The following CRIM1 variants were observed in gnomAD, a reference collection of about 807,000 sequenced individuals.
The protein encoded by CRIM1 is cysteine rich transmembrane BMP regulator 1, also known as cysteine-rich motor neuron 1 protein.
In CRIM1, 32 loss-of-function variants were observed where a neutral mutation model predicts 116.4. That is an observed-to-expected ratio of 0.27 (90% CI 0.21 to 0.37). The LOEUF (loss-of-function observed/expected upper bound fraction) is 0.37, where lower values mean the gene tolerates loss of function less well. CRIM1 is among the 10% of genes least tolerant of loss of function. The pLI is 1.00. For synonymous variants in CRIM1, 590 were observed against 509.2 expected, an observed-to-expected ratio of 1.16 and a Z score of -2.13; for missense variants, 1,331 against 1,354.8, an observed-to-expected ratio of 0.98 and a Z score of 0.28.
intron 6 of CRIM1, among the ~76,000 whole-genome samples, chr2:36,478,335 CA>C (rs76231568): frequency 1.3e-5 from 2 of 152,144 alleles, no homozygotes; most frequent in East Asian, 3.8e-4. Context: ...TACCTGCCCC[CA>C]GTCTGCAATA....
chr2:36,462,865 G>C (rs1677691162), intron 4 of CRIM1, among the ~76,000 whole-genome samples: 1 of 152,106 alleles, frequency 6.6e-6, no homozygotes, highest in Non-Finnish European at 1.5e-5. Context: ...CAATGGCTAG[G>C]GATATAAGCG....
At chr2:36,472,248 C>T (rs969887268) in intron 5 of CRIM1, among the ~76,000 whole-genome samples, 11 of 152,102 alleles carry the variant, frequency 7.2e-5, no homozygotes, top group African/African-American at 2.7e-4. Context: ...GCAATCTCCA[C>T]ACTGTTCTGA....
In CRIM1 at chr2:36,491,009, C is replaced by A. The variant is rs1680189555; in HGVS notation, c.1373-8210C>A. Among the ~76,000 whole-genome samples, 4 of 152,176 alleles carry A rather than the reference C, an allele frequency of 2.6e-5. No individual in the cohort carries two copies. The South Asian group carries it at 8.3e-4, about 32-fold the overall frequency. On this transcript the variant is annotated intron_variant, in intron 7 of 16. Transcript: ENST00000280527. ...GGTTGTCAATTTGCCAAGCAGTCAGCAAAAGTGCCCATAACTTCACGCAGT... is the reference window on the plus strand; with the variant it reads ...GGTTGTCAATTTGCCAAGCAGTCAGAAAAAGTGCCCATAACTTCACGCAGT...
At chr2:36,487,364 A>C (rs148005956) in intron 7 of CRIM1, among the ~76,000 whole-genome samples, 139 of 152,252 alleles carry the variant, frequency 9.1e-4, no homozygotes, top group African/African-American at 3.2e-3. Context: ...TTTTCCTTTC[A>C]CAAGTTATAT....
chr2:36,365,668 C>T (rs1457583169), intron 1 of CRIM1, among the ~76,000 whole-genome samples: 1 of 151,836 alleles, frequency 6.6e-6, no homozygotes, highest in Admixed American at 6.5e-5. Flanking sequence ...TCTAATGTTA[C>T]TAGCTGTTTA....
intron 4 of CRIM1, among the ~76,000 whole-genome samples, chr2:36,463,364 C>CA (rs1270964663): frequency 6.6e-6 from 1 of 152,128 alleles, no homozygotes; most frequent in Non-Finnish European, 1.5e-5. Context: ...GAAGGGGGGA[C>CA]AAAAGCACAA....
chr2:36,479,415 A>G, intron 6 of CRIM1, 82 bp from the exon 7 acceptor site: 1 of 1,398,904 alleles, frequency 7.1e-7, no homozygotes, highest in Non-Finnish European at 1.0e-6. Context: ...ACTAGAACCC[A>G]GGGAAAAAAT....
At chr2:36,546,136 CTG>C (rs1288439211) in intron 15 of CRIM1, among the ~76,000 whole-genome samples, 1 of 152,148 alleles carries the variant, frequency 6.6e-6, no homozygotes, top group Non-Finnish European at 1.5e-5. Context: ...CCTTTTGATA[CTG>C]TGTGTCATGT....
At chr2:36,357,572 T>TG (rs1325214483) in intron 1 of CRIM1, among the ~76,000 whole-genome samples, 2 of 152,166 alleles carry the variant, frequency 1.3e-5, no homozygotes, top group Non-Finnish European at 2.9e-5. Flanking sequence ...TCAGGGTGCC[T>TG]GGTCTGGTTT....
chr2:36,505,376 A>G (rs919842675), intron 8 of CRIM1, among the ~76,000 whole-genome samples: 4 of 149,656 alleles, frequency 2.7e-5, no homozygotes, highest in African/African-American at 7.4e-5. Context: ...TTCCTACCAT[A>G]TATTTCTGGT....
Position 36,406,115 on chromosome 2 carries a change from A to T in CRIM1, c.505+9328A>T, listed in dbSNP as rs145272129. ...CTAATATGTTATTGACTGTATTAGAAATAATCATTAATTCACAAAATCAGA... is the reference window on the plus strand; with the variant it reads ...CTAATATGTTATTGACTGTATTAGATATAATCATTAATTCACAAAATCAGA... On this transcript the variant is annotated intron_variant, in intron 2 of 16. Coordinates refer to ENST00000280527, the MANE Select transcript of CRIM1 (RefSeq NM_016441.3). Among the ~76,000 whole-genome samples the T allele has an allele frequency of 3.2e-4, 49 of 152,368 alleles. No homozygotes were observed. The East Asian group carries it at 9.0e-3, about 28-fold the overall frequency.
chr2:36,453,778 G>A (rs1676916863), intron 4 of CRIM1, among the ~76,000 whole-genome samples: 1 of 152,188 alleles, frequency 6.6e-6, no homozygotes, highest in Non-Finnish European at 1.5e-5. Context: ...CACAAAGTTA[G>A]CAAAGCAAAC....
At chr2:36,433,333 G>C (rs1477048) in intron 2 of CRIM1, among the ~76,000 whole-genome samples, 34,690 of 152,078 alleles carry the variant, frequency 0.23, 5,002 homozygotes, top group East Asian at 0.56. Flanking sequence ...CCATAACATC[G>C]TTTGGGAAGA....
At chr2:36,378,806 G>GGTTTTTTTTTTTTTTTTTTTTTTTTT (rs1553368331) in intron 1 of CRIM1, 1 of 118,922 alleles carries the variant, frequency 8.4e-6, no homozygotes. Flanking sequence ...GTTGTTTTCG[G>GGTTTTTTTTTTTTTTTTTTTTTTTTT]TTTTTTTTTT....
intron 4 of CRIM1, 131 bp downstream of exon 4, chr2:36,442,866 A>G: frequency 9.3e-7 from 1 of 1,073,038 alleles, no homozygotes; most frequent in Non-Finnish European, 1.4e-6. Context: ...AAATCACTGA[A>G]CTGTTTGCAT....
At chr2:36,474,957 ATATC>A (rs1306041221) in intron 5 of CRIM1, among the ~76,000 whole-genome samples, 1 of 152,060 alleles carries the variant, frequency 6.6e-6, no homozygotes, top group Non-Finnish European at 1.5e-5. Context: ...ATTGAACTAT[ATATC>A]TATCCCTGTG....
chr2:36,513,694 T>C lies in CRIM1; in HGVS notation c.1919T>C (p.Leu640Pro), dbSNP rs778303987. 1 of 1,614,200 alleles carries C rather than the reference T, an allele frequency of 6.2e-7. No individual in the cohort carries two copies. The highest frequency in any genetic ancestry group is 2.2e-5 in the East Asian group (1 of 44,870). ...CTCAATGGACGGGAAATGTGTGCCC[T>C]GATCACCTGCCCGGTGCCTGCCTGT... Reference protein sequence around the residue: ...YCLNGREMCALITCPVPACGN... With the variant: ...YCLNGREMCAPITCPVPACGN... Residue 640 changes from leucine to proline, a missense_variant, in exon 11 of 17, where the codon CTG (leucine) becomes CCG (proline). This residue lies in a region of CRIM1 where 358 missense variants were observed against 436.1 expected (regional missense o/e 0.82). Transcript: ENST00000280527.
intron 2 of CRIM1, among the ~76,000 whole-genome samples, chr2:36,408,782 T>A (rs1423659557): frequency 6.6e-6 from 1 of 151,936 alleles, no homozygotes; most frequent in African/African-American, 2.4e-5. Context: ...TATATCCTGC[T>A]TATGAGAAGA....
intron 2 of CRIM1, among the ~76,000 whole-genome samples, chr2:36,421,775 A>G (rs547429347): frequency 2.0e-5 from 3 of 152,290 alleles, no homozygotes; most frequent in Admixed American, 2.0e-4. Context: ...TGAAGGAGGA[A>G]TGTTTTTTGT....
Sources: allele counts gnomAD v4.1 joint callset (sites outside exome capture counted in the v4.1 genomes callset), GRCh38; gene constraint gnomAD v4.1.1; regional missense constraint gnomAD v4.1.1; transcripts MANE v1.5; gene names NCBI Gene and HGNC (gene_info 2026-07-23, HGNC 2026-07-21).